VAC14: variants seen among roughly 807,000 people sequenced by gnomAD.
VAC14 encodes the protein protein VAC14 homolog.
A neutral mutation model predicts 85.3 loss-of-function variants in VAC14; 47 were observed. The ratio of observed to expected loss-of-function variants is 0.55; its 90% CI spans 0.44 to 0.70. The LOEUF (loss-of-function observed/expected upper bound fraction) is 0.70, where lower values mean the gene tolerates loss of function less well. Ranked by LOEUF, VAC14 falls within the 30% of genes least tolerant of loss-of-function variation. The pLI, the probability that VAC14 is intolerant of heterozygous loss-of-function variation, is 0.00. For synonymous variants in VAC14, 447 were observed against 430.5 expected (o/e 1.04, Z -0.47); for missense variants, 861 against 1,004.3 (o/e 0.86, Z 1.93).
At position 70,784,150 on chromosome 16, in the gene VAC14, G is replaced by C. The variant is rs1486117877; in HGVS notation, c.557C>G (p.Ser186Cys). ...GAACTGCCGGGCATACTGGTTGTTG[G>C]AGTAAATCCTCTCTCGCAACAAGGG... ...FIPLLRERIY[S>C]NNQYARQFII... Residue 186 changes from serine (S) to cysteine (C), a missense_variant, in exon 5 of 19, where the codon TCC (serine) becomes TGC (cysteine). Ser to Cys is a moderately radical substitution (Grantham distance 112). This residue lies in a region of VAC14 where 629 missense variants were observed against 703.1 expected (regional missense o/e 0.89). Transcript: ENST00000261776. 10 of 1,614,194 alleles carry C rather than the reference G, an allele frequency of 6.2e-6. No individual in the cohort carries two copies. Among genetic ancestry groups the C allele is most frequent in the Non-Finnish European group, 7.6e-6 (9 of 1,180,030 alleles).
chr16:70,768,961 T>C (rs1368647847), intron 10 of VAC14: 3 of 272,886 alleles, frequency 1.1e-5, no homozygotes, highest in Non-Finnish European at 2.2e-5. Context: ...CCACCACGCC[T>C]GGCTATTTTT....
At position 70,691,269 on chromosome 16, in the gene VAC14, A is replaced by G. The variant is rs1027344002; in HGVS notation, c.2186+1552T>C. On this transcript the variant is annotated intron_variant, in intron 18 of 18. Coordinates refer to ENST00000261776, the MANE Select transcript of VAC14 (RefSeq NM_018052.5). The stretch of plus-strand genomic sequence containing the variant: ...GAGAGGCTGGGCTGGCTCCCTGGCC[A>G]GGAGGACTCCCAGGAAGGCAGGCTG... 3.0e-5 allele frequency: 30 copies of G among 985,292 alleles called. 1 individual carries two copies. Among genetic ancestry groups the G allele is most frequent in the Middle Eastern group, 5.2e-4 (1 of 1,936 alleles). 61.0% of individuals were successfully genotyped at this position (985,292 alleles called of 1,614,324 possible).
chr16:70,781,058 G>A (rs188449002), intron 8 of VAC14, 119 bp from the exon 9 acceptor site: 4 of 1,415,250 alleles, frequency 2.8e-6, no homozygotes, highest in Non-Finnish European at 3.9e-6. Context: ...TTCGGTCATG[G>A]GGGTGGATCC....
Position 70,691,264 on chromosome 16 carries a change from T to A in VAC14, c.2186+1557A>T, listed in dbSNP as rs995321383. The A allele has an allele frequency of 5.1e-6, 5 of 985,276 alleles. No homozygotes were observed. The African/African-American group carries it at 7.0e-5, about 14-fold the overall frequency. 61.0% of individuals were successfully genotyped at this position (985,276 alleles called of 1,614,324 possible). A position where few individuals can be genotyped will look rare whatever the true frequency, so the allele number is the denominator to read the frequency against. ...CCCGGGAGAGGCTGGGCTGGCTCCC[T>A]GGCCAGGAGGACTCCCAGGAAGGCA... On this transcript the variant is annotated intron_variant, in intron 18 of 18. Transcript: ENST00000261776.
rs1356563057 is a variant in VAC14 at position 70,781,945 on chromosome 16, G to A, written c.870C>T (p.Gly290=). ...CGGAGGAGTAAGGCAGCATGACGCG[G>A]CCCGCCAGCTGGATGAACTCCCGCA... ...CWMREFIQLA[G]RVMLPYSSGI... is the part of the protein sequence containing the mutation. Residue 290 remains glycine (G), a synonymous_variant, in exon 8 of 19, where the codon GGC becomes GGT. Coordinates refer to ENST00000261776, the MANE Select transcript of VAC14 (RefSeq NM_018052.5). The A allele has an allele frequency of 6.2e-7, 1 of 1,614,024 alleles. No homozygotes were observed. The highest frequency in any genetic ancestry group is 1.3e-5 in the African/African-American group (1 of 74,940).
At chr16:70,791,674 C>T (rs796870463) in intron 1 of VAC14, among the ~76,000 whole-genome samples, 25 of 152,334 alleles carry the variant, frequency 1.6e-4, no homozygotes, top group Non-Finnish European at 2.9e-4. Context: ...CATGAGCCAC[C>T]ATGCCTGGAC....
intron 12 of VAC14, chr16:70,761,402 A>T (rs2032371359): frequency 5.0e-6 from 1 of 199,598 alleles, no homozygotes; most frequent in Non-Finnish European, 1.0e-5. Context: ...TCAGAAGAGG[A>T]AAGTGGGCTG....
intron 14 of VAC14, among the ~76,000 whole-genome samples, chr16:70,701,728 A>G (rs2053831977): frequency 6.6e-6 from 1 of 152,146 alleles, no homozygotes; most frequent in Non-Finnish European, 1.5e-5. Context: ...CCTGGATCTG[A>G]AACAAACCCA....
Position 70,760,961 on chromosome 16 carries a change from G to GT in VAC14, c.1371+1578_1371+1579insA, listed in dbSNP as rs1380412776. 4.1e-5 allele frequency among the ~76,000 whole-genome samples: 5 copies of GT among 120,676 alleles called. 1 individual carries two copies. The highest frequency in any genetic ancestry group is 5.4e-4 in the South Asian group (2 of 3,680). 79.2% of individuals were successfully genotyped at this position (120,676 alleles called of 152,430 possible). A position where few individuals can be genotyped will look rare whatever the true frequency, so the allele number is the denominator to read the frequency against. ...CTGCAGGGGGTGGTGCACGAAGAGAGGGTGTGTGTGTGTGTGTGTGTGTGT... is the reference window on the plus strand; with the variant it reads ...CTGCAGGGGGTGGTGCACGAAGAGAGTGGTGTGTGTGTGTGTGTGTGTGTGT... On this transcript the variant is annotated intron_variant, in intron 12 of 18. Transcript: ENST00000261776.
intron 7 of VAC14, 71 bp from the exon 8 acceptor site, chr16:70,782,074 C>A: frequency 6.4e-7 from 1 of 1,568,342 alleles, no homozygotes; most frequent in Non-Finnish European, 8.7e-7. Context: ...ATTGACCATA[C>A]ACGTGGGATG....
At chr16:70,799,775 A>G (rs1331026203) in intron 1 of VAC14, among the ~76,000 whole-genome samples, 1 of 152,242 alleles carries the variant, frequency 6.6e-6, no homozygotes, top group East Asian at 1.9e-4. Flanking sequence ...ACCACGGAAT[A>G]GATTAGAGCA....
At chr16:70,757,299 C>G (rs139412084) in intron 12 of VAC14, among the ~76,000 whole-genome samples, 9 of 152,214 alleles carry the variant, frequency 5.9e-5, no homozygotes, top group African/African-American at 2.2e-4. Flanking sequence ...CTGCTGACGA[C>G]GCCATTTCTC....
intron 18 of VAC14, 150 bp from the exon 19 acceptor site, chr16:70,688,240 C>G: frequency 7.8e-7 from 1 of 1,276,654 alleles, no homozygotes; most frequent in Non-Finnish European, 9.9e-7. Flanking sequence ...TCCGTCATGG[C>G]GGGCCCCAGA....
rs1349397813 is a variant in VAC14 at position 70,745,510 on chromosome 16, TGTGTGTGTGCGC to T, written c.1372-943_1372-932del. On this transcript the variant is annotated intron_variant, in intron 12 of 18. Coordinates refer to ENST00000261776, the MANE Select transcript of VAC14 (RefSeq NM_018052.5). The stretch of plus-strand genomic sequence containing the variant: ...GTGTGTGTGTGTGTGTGTGTGTGTG[TGTGTGTGTGCGC>T]GTGTGCGCGCGTGTGCCTGTGTGCA... 7.2e-4 allele frequency among the ~76,000 whole-genome samples: 105 copies of T among 146,484 alleles called. 1 individual carries two copies. Among genetic ancestry groups the T allele is most frequent in the African/African-American group, 2.7e-3 (100 of 36,424 alleles).
intron 10 of VAC14, chr16:70,770,907 G>C (rs553905490): frequency 6.6e-6 from 1 of 152,336 alleles, no homozygotes; most frequent in South Asian, 2.1e-4. Flanking sequence ...GGGTGCTGAG[G>C]GATGAGGATA....
rs1336329995 is a variant in VAC14, at chr16:70,762,743, C to T, written c.1305+138G>A. The T allele has an allele frequency of 4.9e-5, 73 of 1,501,680 alleles. No individual in the cohort carries two copies. Among genetic ancestry groups the T allele is most frequent in the Admixed American group, 1.7e-4 (9 of 52,732 alleles). 93.0% of individuals were successfully genotyped at this position (1,501,680 alleles called of 1,614,324 possible). ...CCTCCCCGACACAATGAGGGCTCCT[C>T]GCAGCACCTGTCACTTCTCTGCCGG... On this transcript the variant is annotated intron_variant, in intron 11 of 18. Transcript: ENST00000261776. This position sits in a 1 kb window ranked among gnomAD's most constrained non-coding sequence, Gnocchi z 4.1.
rs201782715 is a variant in VAC14, at chr16:70,786,301, A to T, written c.169T>A (p.Ser57Thr). The T allele has an allele frequency of 1.4e-4, 225 of 1,614,080 alleles. No individual in the cohort carries two copies. The highest frequency in any genetic ancestry group is 1.8e-4 in the Non-Finnish European group (218 of 1,180,036). The change falls in exon 2 of 19, where the codon TCC becomes ACC. Residue 57 changes from serine (S) to threonine (T), a missense_variant. Transcript: ENST00000261776. ...TGCTGAGACAGGGCAAACTCCTGGG[A>T]CAGGGTCTGGATCACATGCTTGATT... ...VQIKHVIQTL[S>T]QEFALSQHPH...
chr16:70,697,019 G>A (rs1391391291), intron 16 of VAC14, 120 bp downstream of exon 16: 4 of 756,104 alleles, frequency 5.3e-6, no homozygotes, highest in Non-Finnish European at 9.1e-6. Flanking sequence ...CCCTGAGGCT[G>A]AGTGGAGGGG....
intron 14 of VAC14, 196 bp downstream of exon 14, chr16:70,731,299 A>C (rs771874687): frequency 1.5e-5 from 21 of 1,418,762 alleles, no homozygotes; most frequent in Non-Finnish European, 1.9e-5. Context: ...ATCAACACTG[A>C]CCTGTCTGTT....
Sources: gnomAD v4.1 joint callset for allele counts (sites outside exome capture counted in the v4.1 genomes callset) on GRCh38, gnomAD v4.1.1 for gene constraint, gnomAD v4.1.1 regional missense constraint, Gnocchi (gnomAD v3.1) non-coding constraint, MANE v1.5 for transcripts, NCBI Gene and HGNC (gene_info 2026-07-23, HGNC 2026-07-21) for gene names.